Variants in USP43 observed in about 807,000 individuals in gnomAD.
USP43 encodes ubiquitin specific peptidase 43.
USP43 carries 33 observed loss-of-function variants against 90.7 expected under a neutral mutation model. The ratio of observed to expected loss-of-function variants is 0.36; its 90% CI spans 0.28 to 0.49. The LOEUF is 0.49. USP43 is among the 20% of genes least tolerant of loss of function. USP43 has a pLI of 0.98. For synonymous variants in USP43, 598 were observed against 615.8 expected, an observed-to-expected ratio of 0.97 and a Z score of 0.43; for missense variants, 1,274 against 1,476.4, an observed-to-expected ratio of 0.86 and a Z score of 2.25.
At position 9,728,132 on chromosome 17, in the gene USP43, C is replaced by T; in HGVS notation, c.2514C>T (p.Ser838=). The T allele has an allele frequency of 6.2e-7, 1 of 1,613,866 alleles. No homozygotes were observed. The highest frequency in any genetic ancestry group is 8.5e-7 in the Non-Finnish European group (1 of 1,179,866). The change falls in exon 15 of 15, where the codon TCC becomes TCT. Residue 838 remains serine, a synonymous_variant. Transcript: ENST00000285199. This position sits in a 1 kb window ranked among gnomAD's most constrained non-coding sequence, Gnocchi z 6.2. ...TCGAGTTGGTGGAGTACTTGGAATC[C>T]AGACGAAGACCTCGGTCCACGAGCC... ...ASVELVEYLE[S]RRRPRSTSQS... is the part of the protein sequence containing the mutation.
At position 9,675,032 on chromosome 17, in the gene USP43, T is replaced by G. The variant is rs1452001062; in HGVS notation, c.833+49T>G. On this transcript the variant is annotated intron_variant, in intron 4 of 14. Transcript: ENST00000285199. The stretch of plus-strand genomic sequence containing the variant: ...CGGTGAACTTGACTTCCATCCTTAC[T>G]CATTACGGGGAAGCTTCTGGCCTCA... 3 of 1,528,310 alleles carry G rather than the reference T, an allele frequency of 2.0e-6. No individual in the cohort carries two copies. In the Admixed American group the frequency reaches 5.0e-5, roughly 26 times the overall value. 94.7% of individuals were successfully genotyped at this position (1,528,310 alleles called of 1,614,324 possible).
chr17:9,700,271 A>G, intron 10 of USP43, 22 bp downstream of exon 10: 1 of 1,576,356 alleles, frequency 6.3e-7, no homozygotes, highest in South Asian at 1.2e-5. Context: ...GGAATTTGCC[A>G]CCTGCAGAGC....
At chr17:9,711,842 G>C in intron 13 of USP43, 126 bp from the exon 14 acceptor site, 1 of 1,140,418 alleles carries the variant, frequency 8.8e-7, no homozygotes, top group East Asian at 2.9e-5. Context: ...CTGCAGTTCT[G>C]TTCTGGTTCT....
rs756761605 is a variant in USP43, at chr17:9,675,031, C to G, written c.833+48C>G. 51 of 1,531,116 alleles carry G rather than the reference C, an allele frequency of 3.3e-5. No homozygotes were observed. The South Asian group carries it at 5.7e-4, about 17-fold the overall frequency. The allele number at this position is 1,531,116 out of a possible 1,614,324, so 94.8% of individuals were successfully genotyped here. A position where few individuals can be genotyped will look rare whatever the true frequency, so the allele number is the denominator to read the frequency against. On this transcript the variant is annotated intron_variant, in intron 4 of 14. Coordinates refer to ENST00000285199, the MANE Select transcript of USP43 (RefSeq NM_153210.5). ...CCGGTGAACTTGACTTCCATCCTTACTCATTACGGGGAAGCTTCTGGCCTC... is the reference window on the plus strand; with the variant it reads ...CCGGTGAACTTGACTTCCATCCTTAGTCATTACGGGGAAGCTTCTGGCCTC...
intron 2 of USP43, among the ~76,000 whole-genome samples, chr17:9,662,449 C>T (rs955171820): frequency 1.2e-4 from 19 of 152,270 alleles, no homozygotes; most frequent in Middle Eastern, 3.4e-3. Context: ...GTGAATGGAA[C>T]GGGGGTTCTC....
At chr17:9,727,246 T>C (rs1271052319) in intron 14 of USP43, among the ~76,000 whole-genome samples, 1 of 152,140 alleles carries the variant, frequency 6.6e-6, no homozygotes, top group Non-Finnish European at 1.5e-5. Context: ...GAGAATTTCT[T>C]AAGCAAAAAT....
At chr17:9,684,550 G>C (rs1914487010) in intron 7 of USP43, among the ~76,000 whole-genome samples, 1 of 151,540 alleles carries the variant, frequency 6.6e-6, no homozygotes, top group African/African-American at 2.4e-5. Flanking sequence ...GATCACCTGA[G>C]GTCAGGAGTT....
Position 9,701,307 on chromosome 17 carries a change from C to G in USP43, c.1663-45C>G, listed in dbSNP as rs1915554685. ...GGGCTGGCTGCCTTTGGTGGGTTGGCCACGTGCTGCGGGGGCCTCACAGTC... is the reference window on the plus strand; with the variant it reads ...GGGCTGGCTGCCTTTGGTGGGTTGGGCACGTGCTGCGGGGGCCTCACAGTC... On this transcript the variant is annotated intron_variant, in intron 11 of 14. Coordinates refer to ENST00000285199, the MANE Select transcript of USP43 (RefSeq NM_153210.5). This position sits in a 1 kb window ranked among gnomAD's most constrained non-coding sequence, Gnocchi z 7.2. 2 of 1,586,908 alleles carry G rather than the reference C, an allele frequency of 1.3e-6. No individual in the cohort carries two copies. Among genetic ancestry groups the G allele is most frequent in the Non-Finnish European group, 1.7e-6 (2 of 1,165,600 alleles).
intron 9 of USP43, among the ~76,000 whole-genome samples, chr17:9,696,507 G>T (rs1915277033): frequency 6.6e-6 from 1 of 152,152 alleles, no homozygotes; most frequent in Non-Finnish European, 1.5e-5. Flanking sequence ...CATATCTCCT[G>T]CCCAGATTTT....
chr17:9,708,818 G>A (rs148851710), intron 12 of USP43, among the ~76,000 whole-genome samples: 7 of 152,126 alleles, frequency 4.6e-5, no homozygotes, highest in African/African-American at 7.2e-5. Flanking sequence ...TAATAGAGAC[G>A]GGGTTTCACC....
At position 9,701,785 on chromosome 17, in the gene USP43, G is replaced by GCAACA; in HGVS notation, c.2011+86_2011+87insAACAC. The GCAACA allele has an allele frequency of 8.4e-7, 1 of 1,192,358 alleles. No homozygotes were observed. The highest frequency in any genetic ancestry group is 1.1e-6 in the Non-Finnish European group (1 of 871,338). 73.9% of individuals were successfully genotyped at this position (1,192,358 alleles called of 1,614,324 possible). On this transcript the variant is annotated intron_variant, in intron 12 of 14. Coordinates refer to ENST00000285199, the MANE Select transcript of USP43 (RefSeq NM_153210.5). The surrounding 1 kb of genome is among the most constrained non-coding windows in gnomAD (Gnocchi z 7.2). ...GGAATGGGTGTTGCTCAGATGCTGA[G>GCAACA]CTCCCTGGGGCACTTATTGAGATCC...
chr17:9,655,535 A>G (rs7214208), intron 1 of USP43, among the ~76,000 whole-genome samples: 21,791 of 152,236 alleles, frequency 0.14, 2,042 homozygotes, highest in African/African-American at 0.28. Context: ...GTTGGAATGT[A>G]CATTTATGCA....
intron 1 of USP43, among the ~76,000 whole-genome samples, chr17:9,650,718 A>G (rs1164182491): frequency 6.6e-6 from 1 of 152,164 alleles, no homozygotes; most frequent in East Asian, 1.9e-4. Flanking sequence ...TGTGGTGAGA[A>G]CATTTACGAT....
chr17:9,697,166 G>C (rs761607313), intron 9 of USP43, among the ~76,000 whole-genome samples: 10 of 152,082 alleles, frequency 6.6e-5, no homozygotes, highest in Non-Finnish European at 1.5e-4. Context: ...GCAGTGAGCC[G>C]AGATTGTTCC....
chr17:9,712,204 C>A, intron 14 of USP43, 72 bp downstream of exon 14: 1 of 1,435,374 alleles, frequency 7.0e-7, no homozygotes, highest in Non-Finnish European at 9.2e-7. Context: ...AGTATGAAAG[C>A]GCTGTCACTT....
intron 14 of USP43, among the ~76,000 whole-genome samples, chr17:9,715,576 GTGTC>G (rs1285713504): frequency 5.3e-5 from 8 of 151,532 alleles, no homozygotes; most frequent in Non-Finnish European, 8.8e-5. Context: ...CTCTGTGTGT[GTGTC>G]TGTGTGTTTG....
chr17:9,695,036 G>T (rs1915175847), intron 9 of USP43, among the ~76,000 whole-genome samples: 2 of 152,174 alleles, frequency 1.3e-5, no homozygotes, highest in Non-Finnish European at 2.9e-5. Context: ...GAGTTCTACA[G>T]TAAGCTGACC....
chr17:9,701,192 C>G lies in USP43; in HGVS notation c.1609C>G (p.Gln537Glu). The G allele has an allele frequency of 6.4e-7, 1 of 1,573,630 alleles. No homozygotes were observed. The highest frequency in any genetic ancestry group is 8.6e-7 in the Non-Finnish European group (1 of 1,158,516). ...GTGGCAGCAGCAGCAGGCGCATCAG[C>G]AGCACAGCTGTACCTTGGATGAATG... ...SVWQQQQAHQ[Q>E]HSCTLDECFQ... Residue 537 changes from glutamine to glutamate, a missense_variant, in exon 11 of 15, where the codon CAG becomes GAG. Transcript: ENST00000285199. The surrounding 1 kb of genome is among the most constrained non-coding windows in gnomAD (Gnocchi z 7.2).
At position 9,729,131 on chromosome 17, in the gene USP43, G is replaced by A. The variant is rs952993920; in HGVS notation, c.*141G>A. On this transcript the variant is annotated 3_prime_UTR_variant, in exon 15 of 15. Transcript: ENST00000285199. ...AAAAATTTTTTTTTTTTTGTGGTGG[G>A]GGGTCTCCATATCTAGACTTCCAAC... is the stretch of plus-strand genomic sequence containing the variant. The A allele has an allele frequency of 2.7e-6, 2 of 731,324 alleles. No homozygotes were observed. The highest frequency in any genetic ancestry group is 3.7e-5 in the African/African-American group (2 of 54,238). 45.3% of individuals were successfully genotyped at this position (731,324 alleles called of 1,614,324 possible). A position where few individuals can be genotyped will look rare whatever the true frequency, so the allele number is the denominator to read the frequency against.
Sources: gnomAD v4.1 joint callset for allele counts (sites outside exome capture counted in the v4.1 genomes callset) on GRCh38, gnomAD v4.1.1 for gene constraint, Gnocchi (gnomAD v3.1) non-coding constraint, MANE v1.5 for transcripts, NCBI Gene and HGNC (gene_info 2026-07-23, HGNC 2026-07-21) for gene names.